Variants in ANKRD11 observed in about 807,000 individuals in gnomAD.
ANKRD11 encodes ankyrin repeat domain 11.
A neutral mutation model predicts 195.7 loss-of-function variants in ANKRD11; 17 were observed. The observed-to-expected ratio is 0.09, with a 90% CI of 0.06 to 0.13. ANKRD11 has a LOEUF of 0.13. Among genes scored for constraint, ANKRD11 ranks in the 10% least tolerant of loss-of-function variants. ANKRD11 has a pLI of 1.00. For missense variants in ANKRD11, 3,735 were observed against 3,566.1 expected (o/e 1.05, Z -1.21); for synonymous variants, 1,953 against 1,528.1 (o/e 1.28, Z -6.49).
At chr16:89,365,000 C>T (rs755482699) in intron 2 of ANKRD11, among the ~76,000 whole-genome samples, 1 of 152,212 alleles carries the variant, frequency 6.6e-6, no homozygotes, top group African/African-American at 2.4e-5. Flanking sequence ...TTCTAAGACG[C>T]TTCCCAAGCT....
intron 1 of ANKRD11, among the ~76,000 whole-genome samples, chr16:89,488,542 A>G (rs928462914): frequency 5.9e-5 from 9 of 152,092 alleles, no homozygotes; most frequent in African/African-American, 2.2e-4. Context: ...AGGGCAGCCA[A>G]TACTTACTAA....
intron 2 of ANKRD11, among the ~76,000 whole-genome samples, chr16:89,410,082 G>C (rs1179073350): frequency 6.6e-6 from 1 of 152,068 alleles, no homozygotes; most frequent in Non-Finnish European, 1.5e-5. Flanking sequence ...CTCGTGATCC[G>C]CCCGCCTCGG....
At chr16:89,290,223 TG>T (rs1203571615) in intron 6 of ANKRD11, among the ~76,000 whole-genome samples, 1 of 131,260 alleles carries the variant, frequency 7.6e-6, no homozygotes. Context: ...ACGGCTCCAA[TG>T]GGGGAGGCTC....
intron 1 of ANKRD11, among the ~76,000 whole-genome samples, chr16:89,473,891 T>C (rs934069252): frequency 3.3e-5 from 5 of 152,268 alleles, no homozygotes; most frequent in Admixed American, 2.0e-4. Context: ...CTTGACTGGG[T>C]TGCATTAGGT....
Position 89,291,333 on chromosome 16 carries a change from C to A in ANKRD11, c.227-150G>T. 7 of 1,044,290 alleles carry A rather than the reference C, an allele frequency of 6.7e-6. No individual in the cohort carries two copies. The highest frequency in any genetic ancestry group is 9.9e-6 in the Non-Finnish European group (7 of 709,420). 64.7% of individuals were successfully genotyped at this position (1,044,290 alleles called of 1,614,324 possible). On this transcript the variant is annotated intron_variant, in intron 4 of 12. Transcript: ENST00000301030. This position sits in a 1 kb window ranked among gnomAD's most constrained non-coding sequence, Gnocchi z 5.3. ...AGGTCTGTGTATGGGGAAAGCACAG[C>A]GGTGCTGGGAGCATTGGTGCCGCCC...
At chr16:89,457,666 G>A (rs1328044906) in intron 1 of ANKRD11, among the ~76,000 whole-genome samples, 1 of 152,000 alleles carries the variant, frequency 6.6e-6, no homozygotes, top group East Asian at 1.9e-4. Flanking sequence ...AACAGAAAGT[G>A]GGCTGGCAGT....
Position 89,274,583 on chromosome 16 carries a change from T to C in ANKRD11, c.7713+231A>G, listed in dbSNP as rs532952207. ...ACTGAGCTGCTGAGGCCCAGCCCAGTGGCCTGAGGGCCTTGCCCGTGCGGG... is the reference window on the plus strand; with the variant it reads ...ACTGAGCTGCTGAGGCCCAGCCCAGCGGCCTGAGGGCCTTGCCCGTGCGGG... On this transcript the variant is annotated intron_variant, in intron 11 of 12. Transcript: ENST00000301030. Among the ~76,000 whole-genome samples the C allele has an allele frequency of 1.4e-4, 22 of 152,336 alleles. No homozygotes were observed. The South Asian group carries it at 3.9e-3, about 27-fold the overall frequency.
intron 2 of ANKRD11, among the ~76,000 whole-genome samples, chr16:89,413,616 G>T (rs1257354077): frequency 6.6e-6 from 1 of 152,018 alleles, no homozygotes; most frequent in Non-Finnish European, 1.5e-5. Context: ...CAGCCAGACT[G>T]TCTCAAAAAA....
chr16:89,439,127 G>A (rs1486393564), intron 1 of ANKRD11, among the ~76,000 whole-genome samples: 1 of 151,912 alleles, frequency 6.6e-6, no homozygotes, highest in Non-Finnish European at 1.5e-5. Context: ...CCTCTGTGTG[G>A]CACGTTGTTC....
chr16:89,474,851 T>C (rs1203040128), intron 1 of ANKRD11, among the ~76,000 whole-genome samples: 5 of 152,236 alleles, frequency 3.3e-5, no homozygotes, highest in African/African-American at 9.6e-5. Context: ...AACTTACACA[T>C]GTATCATCCA....
intron 4 of ANKRD11, among the ~76,000 whole-genome samples, chr16:89,296,869 C>A (rs1438061562): frequency 6.6e-6 from 1 of 152,082 alleles, no homozygotes; most frequent in Non-Finnish European, 1.5e-5. Flanking sequence ...GCCAGCCCCA[C>A]CAGAGGGCAG....
intron 3 of ANKRD11, among the ~76,000 whole-genome samples, chr16:89,311,532 C>G (rs1178638892): frequency 6.6e-6 from 1 of 152,098 alleles, no homozygotes; most frequent in East Asian, 1.9e-4. Context: ...ACACCACATA[C>G]AAAACATGAA....
chr16:89,407,648 C>T (rs2041959471), intron 2 of ANKRD11, among the ~76,000 whole-genome samples: 1 of 151,998 alleles, frequency 6.6e-6, no homozygotes, highest in Admixed American at 6.6e-5. Flanking sequence ...CGGCGAGACG[C>T]CGTCTCTATC....
chr16:89,440,763 G>A (rs926983971), intron 1 of ANKRD11, among the ~76,000 whole-genome samples: 6 of 152,186 alleles, frequency 3.9e-5, no homozygotes, highest in African/African-American at 1.4e-4. Flanking sequence ...CCCAGCAAGG[G>A]GCTACAGAAA....
Position 89,282,929 on chromosome 16 carries a change from G to A in ANKRD11, c.3613C>T (p.His1205Tyr), listed in dbSNP as rs746919250. ...RDKKEKVFEK[H>Y]KEKKDKESTE... ...GACTCTTTATCCTTCTTCTCCTTGT[G>A]CTTTTCAAAGACTTTCTCTTTTTTG... Residue 1205 changes from histidine (H) to tyrosine (Y), a missense_variant, in exon 9 of 13, where the codon CAC (histidine) becomes TAC (tyrosine). Coordinates refer to ENST00000301030, the MANE Select transcript of ANKRD11 (RefSeq NM_013275.6). 4 of 1,612,904 alleles carry A rather than the reference G, an allele frequency of 2.5e-6. No homozygotes were observed. The Admixed American group carries it at 5.0e-5, about 20-fold the overall frequency.
intron 2 of ANKRD11, among the ~76,000 whole-genome samples, chr16:89,334,035 G>A (rs1446051750): frequency 1.3e-5 from 2 of 151,588 alleles, no homozygotes; most frequent in Non-Finnish European, 2.9e-5. Flanking sequence ...AATAAGGCCA[G>A]GTGCAGTGGC....
intron 3 of ANKRD11, 61 bp from the exon 4 acceptor site, chr16:89,305,405 A>T (rs535353620): frequency 5.0e-5 from 80 of 1,609,966 alleles, no homozygotes; most frequent in Middle Eastern, 1.6e-4. Context: ...AGCTCTCAAG[A>T]TTTTGTTTCA....
intron 2 of ANKRD11, among the ~76,000 whole-genome samples, chr16:89,388,465 C>T (rs1309044807): frequency 6.6e-6 from 1 of 151,922 alleles, no homozygotes; most frequent in African/African-American, 2.4e-5. Context: ...TGAAAATCGA[C>T]ACGGAATAGA....
Position 89,274,946 on chromosome 16 carries a change from G to A in ANKRD11, c.7581C>T (p.Ile2527=), listed in dbSNP as rs751599226. The A allele has an allele frequency of 6.2e-6, 10 of 1,613,236 alleles. No individual in the cohort carries two copies. The highest frequency in any genetic ancestry group is 2.2e-5 in the East Asian group (1 of 44,888). ...GCAGAATCTCCTGCTCACAGGATAC[G>A]ATCAGCTTCTCCTGAAGGAGGAGAG... ...LQHSIEREKL[I]VSCEQEILRV... is the part of the protein sequence containing the mutation. The change falls in exon 11 of 13, where the codon ATC becomes ATT. Residue 2527 remains isoleucine (I), a synonymous_variant. Coordinates refer to ENST00000301030, the MANE Select transcript of ANKRD11 (RefSeq NM_013275.6).
Sources: allele counts gnomAD v4.1 joint callset (sites outside exome capture counted in the v4.1 genomes callset), GRCh38; gene constraint gnomAD v4.1.1; non-coding constraint Gnocchi (gnomAD v3.1); transcripts MANE v1.5; gene names NCBI Gene and HGNC (gene_info 2026-07-23, HGNC 2026-07-21).